UVRAG: variants seen among roughly 807,000 people sequenced by gnomAD.
UVRAG encodes the protein UV radiation resistance-associated gene protein.
In UVRAG, 19 loss-of-function variants were observed where a neutral mutation model predicts 78.0. The ratio of observed to expected loss-of-function variants is 0.24; its 90% CI spans 0.17 to 0.36. UVRAG has a LOEUF of 0.36. Among genes scored for constraint, UVRAG ranks in the 10% least tolerant of loss-of-function variants. The pLI is 1.00. For missense variants in UVRAG, 740 were observed against 853.8 expected, an observed-to-expected ratio of 0.87 and a Z score of 1.66; for synonymous variants, 323 against 324.6, an observed-to-expected ratio of 1.00 and a Z score of 0.05.
At chr11:75,875,416 T>C (rs1472441905) in intron 3 of UVRAG, among the ~76,000 whole-genome samples, 3 of 152,110 alleles carry the variant, frequency 2.0e-5, no homozygotes, top group Non-Finnish European at 4.4e-5. Flanking sequence ...TGTGTTCTGA[T>C]ATGGTTTTAT....
chr11:75,876,656 A>G (rs1457387595), intron 3 of UVRAG, among the ~76,000 whole-genome samples: 1 of 150,476 alleles, frequency 6.6e-6, no homozygotes, highest in South Asian at 2.1e-4. Context: ...TATTTGTGGT[A>G]GTATTTCAGT....
chr11:75,861,572 T>A (rs972863763), intron 2 of UVRAG, among the ~76,000 whole-genome samples, 174 bp from the exon 3 acceptor site: 1 of 147,212 alleles, frequency 6.8e-6, no homozygotes, highest in African/African-American at 2.7e-5. Context: ...TAAAACACTT[T>A]CATTGAATTT....
intron 1 of UVRAG, among the ~76,000 whole-genome samples, chr11:75,819,120 A>G (rs1210354643): frequency 1.3e-5 from 2 of 152,158 alleles, no homozygotes; most frequent in East Asian, 1.9e-4. Context: ...ATTTATTTCA[A>G]TCTTCATTAA....
rs535920282 is a variant in UVRAG, at chr11:76,084,787, C to T, written c.1305+18999C>T. Among the ~76,000 whole-genome samples the T allele has an allele frequency of 1.5e-3, 231 of 152,112 alleles. 3 individuals carry two copies. The highest frequency in any genetic ancestry group is 2.8e-3 in the Non-Finnish European group (187 of 67,988). On this transcript the variant is annotated intron_variant, in intron 13 of 14. Transcript: ENST00000356136. ...ATAAAATCTAATTGTTCTGGCCAGT[C>T]GCAGTGGCTCATGCCTGTAATCCCA...
In UVRAG at chr11:76,140,104, CCTCCCTCCCTCTCTCTCTCTCT is replaced by C. The variant is rs1565177336; in HGVS notation, c.1398-603_1398-582del. Reference sequence around the variant, plus strand: ...CTCCCCCTCTCCCCCTCCCTCCCTCCCTCCCTCCCTCTCTCTCTCTCTCTCTCTCTCTCTCTCTCTCTCTCCC... The same window carrying C: ...CTCCCCCTCTCCCCCTCCCTCCCTCCCTCTCTCTCTCTCTCTCTCTCTCCC... On this transcript the variant is annotated intron_variant, in intron 14 of 14. Coordinates refer to ENST00000356136, the MANE Select transcript of UVRAG (RefSeq NM_003369.4). Among the ~76,000 whole-genome samples the C allele has an allele frequency of 3.2e-3, 58 of 18,280 alleles. 4 individuals are homozygous for C. Among genetic ancestry groups the C allele is most frequent in the African/African-American group, 0.012 (46 of 3,692 alleles). The allele number at this position is 18,280 out of a possible 152,430, so 12.0% of individuals were successfully genotyped here. A position where few individuals can be genotyped will look rare whatever the true frequency, so the allele number is the denominator to read the frequency against.
intron 14 of UVRAG, among the ~76,000 whole-genome samples, chr11:76,133,719 G>A (rs187111652): frequency 6.6e-6 from 1 of 152,166 alleles, no homozygotes; most frequent in East Asian, 1.9e-4. Flanking sequence ...GGGGACAATT[G>A]GAATGTACCT....
At chr11:75,899,658 A>G (rs983727160) in intron 5 of UVRAG, among the ~76,000 whole-genome samples, 14 of 152,214 alleles carry the variant, frequency 9.2e-5, no homozygotes, top group African/African-American at 2.9e-4. Context: ...ATAGTGTGAC[A>G]GCGTACCAAG....
intron 5 of UVRAG, among the ~76,000 whole-genome samples, chr11:75,897,079 G>C (rs1000011579): frequency 3.3e-5 from 5 of 152,150 alleles, no homozygotes; most frequent in African/African-American, 1.2e-4. Flanking sequence ...TAGAATCCAA[G>C]TCAAAAGGAG....
intron 13 of UVRAG, among the ~76,000 whole-genome samples, chr11:76,094,716 C>G (rs771266717): frequency 1.3e-5 from 2 of 151,902 alleles, no homozygotes; most frequent in Non-Finnish European, 2.9e-5. Flanking sequence ...TCCCCTTTAT[C>G]ATTTTTTATT....
intron 6 of UVRAG, among the ~76,000 whole-genome samples, chr11:75,941,057 G>T (rs1253078259): frequency 6.6e-6 from 1 of 151,772 alleles, no homozygotes; most frequent in East Asian, 1.9e-4. Flanking sequence ...AGGCAGTTTT[G>T]CCAAAATGTT....
chr11:76,074,937 T>C (rs1951377663), intron 13 of UVRAG, among the ~76,000 whole-genome samples: 1 of 152,132 alleles, frequency 6.6e-6, no homozygotes, highest in Non-Finnish European at 1.5e-5. Context: ...AAATAGCTTC[T>C]CCATCCAAAA....
chr11:75,815,964 C>T (rs1945256458), intron 1 of UVRAG, among the ~76,000 whole-genome samples: 1 of 152,226 alleles, frequency 6.6e-6, no homozygotes, highest in Admixed American at 6.5e-5. Flanking sequence ...TACGGAGAAA[C>T]CAGTTTGTAC....
chr11:75,915,148 G>A (rs1947822882), intron 6 of UVRAG: 1 of 152,490 alleles, frequency 6.6e-6, no homozygotes, highest in African/African-American at 2.4e-5. Context: ...GGAGGCTGAG[G>A]CAGGAGATTA....
intron 1 of UVRAG, among the ~76,000 whole-genome samples, chr11:75,825,994 G>A (rs1213732840): frequency 3.3e-5 from 5 of 151,338 alleles, no homozygotes; most frequent in Non-Finnish European, 5.9e-5. Flanking sequence ...CTGCCAGCAC[G>A]CTCGGCTAAT....
At chr11:76,038,339 T>G (rs1379511905) in intron 12 of UVRAG, among the ~76,000 whole-genome samples, 1 of 151,850 alleles carries the variant, frequency 6.6e-6, no homozygotes, top group African/African-American at 2.4e-5. Flanking sequence ...TCAAATTTCC[T>G]GGGGACATGG....
chr11:75,857,816 C>G (rs1437867376), intron 2 of UVRAG, among the ~76,000 whole-genome samples: 1 of 151,084 alleles, frequency 6.6e-6, no homozygotes, highest in Non-Finnish European at 1.5e-5. Flanking sequence ...CAATTCTGCT[C>G]CTTCTGAATT....
intron 4 of UVRAG, 48 bp downstream of exon 4, chr11:75,880,088 G>C (rs368480393): frequency 6.3e-7 from 1 of 1,592,774 alleles, no homozygotes; most frequent in Non-Finnish European, 8.6e-7. Context: ...CCAAATTAAC[G>C]TGTCTAACCT....
At chr11:75,952,642 G>C (rs1453443768) in intron 6 of UVRAG, among the ~76,000 whole-genome samples, 1 of 151,968 alleles carries the variant, frequency 6.6e-6, no homozygotes, top group Non-Finnish European at 1.5e-5. Context: ...AAACCCACTT[G>C]ATCCAGTTGC....
rs1190750454 is a variant in UVRAG, at chr11:75,938,488, G to A, written c.594-22956G>A. On this transcript the variant is annotated intron_variant, in intron 6 of 14. Coordinates refer to ENST00000356136, the MANE Select transcript of UVRAG (RefSeq NM_003369.4). ...TTCCTATAAATATTCTGGAAACACA[G>A]TTATGTTATTTGGAAAAATTTTCTT... 2.0e-5 allele frequency among the ~76,000 whole-genome samples: 3 copies of A among 152,144 alleles called. No individual in the cohort carries two copies. The East Asian group carries it at 5.8e-4, about 29-fold the overall frequency.
Sources: gnomAD v4.1 joint callset for allele counts (sites outside exome capture counted in the v4.1 genomes callset) on GRCh38, gnomAD v4.1.1 for gene constraint, MANE v1.5 for transcripts, NCBI Gene and HGNC (gene_info 2026-07-23, HGNC 2026-07-21) for gene names.